The following KATNAL2 variants were observed in gnomAD, a reference collection of about 807,000 sequenced individuals.
The protein encoded by KATNAL2 is katanin catalytic subunit A1 like 2.
KATNAL2 carries 52 observed loss-of-function variants against 76.3 expected under a neutral mutation model. The ratio of observed to expected loss-of-function variants is 0.68; its 90% CI spans 0.55 to 0.86. The LOEUF is 0.86. Ranked by LOEUF, KATNAL2 falls within the 40% of genes least tolerant of loss-of-function variation. The pLI is 0.00. For synonymous variants in KATNAL2, 243 were observed against 244.2 expected (o/e 1.00, Z 0.05); for missense variants, 660 against 668.9 (o/e 0.99, Z 0.15).
intron 15 of KATNAL2, among the ~76,000 whole-genome samples, chr18:47,079,902 T>C (rs2062426724): frequency 6.6e-6 from 1 of 152,208 alleles, no homozygotes; most frequent in African/African-American, 2.4e-5. Flanking sequence ...TGTGATGTCT[T>C]GTTGCTCCAT....
chr18:46,950,330 T>A (rs1180979729), intron 3 of KATNAL2, among the ~76,000 whole-genome samples: 1 of 152,144 alleles, frequency 6.6e-6, no homozygotes, highest in Non-Finnish European at 1.5e-5. Context: ...TTGTGCTGAG[T>A]AGGGGTCTGG....
chr18:47,098,306 C>T (rs972959376), intron 15 of KATNAL2: 4 of 297,562 alleles, frequency 1.3e-5, no homozygotes, highest in Non-Finnish European at 2.7e-5. Context: ...ATTAACTGGA[C>T]TTACAGTTTC....
At chr18:47,072,697 T>C (rs9951617) in intron 13 of KATNAL2, among the ~76,000 whole-genome samples, 89,078 of 151,884 alleles carry the variant, frequency 0.59, 26,290 homozygotes, top group Non-Finnish European at 0.63. Flanking sequence ...CCTTGGGCTC[T>C]CAAAATGCTG....
intron 1 of KATNAL2, among the ~76,000 whole-genome samples, chr18:46,932,553 A>G (rs1901164961): frequency 6.7e-6 from 1 of 149,424 alleles, no homozygotes; most frequent in Non-Finnish European, 1.5e-5. Context: ...GTGCGCCTGT[A>G]TGCACCGCCA....
At chr18:47,075,402 G>A (rs375948869) in intron 14 of KATNAL2, 34 bp downstream of exon 14, 36 of 1,415,720 alleles carry the variant, frequency 2.5e-5, no homozygotes, top group South Asian at 1.2e-4. Flanking sequence ...TGTTGTTGTT[G>A]TTTTTTGTCA....
At chr18:47,072,461 A>T (rs1159069818) in intron 13 of KATNAL2, among the ~76,000 whole-genome samples, 4 of 152,138 alleles carry the variant, frequency 2.6e-5, no homozygotes, top group African/African-American at 9.7e-5. Context: ...GTTTTGAGGC[A>T]GGGTCTTGCT....
chr18:47,039,008 G>C (rs569921702), intron 3 of KATNAL2, among the ~76,000 whole-genome samples: 1 of 152,210 alleles, frequency 6.6e-6, no homozygotes, highest in African/African-American at 2.4e-5. Context: ...AACAGGCTCT[G>C]TCTGGGGGCT....
chr18:47,081,616 TG>T (rs1245697737), intron 15 of KATNAL2, among the ~76,000 whole-genome samples: 2 of 152,218 alleles, frequency 1.3e-5, no homozygotes, highest in Non-Finnish European at 2.9e-5. Flanking sequence ...CTCATGCTGC[TG>T]TGGCAGAAAT....
At position 46,917,629 on chromosome 18, in the gene KATNAL2, C is replaced by A. The variant is rs4890706; in HGVS notation, c.-807C>A. 0.45 allele frequency: 401,517 copies of A among 893,754 alleles called. 91,768 individuals are homozygous for A. The highest frequency in any genetic ancestry group is 0.5 in the Middle Eastern group (925 of 1,840). The allele number at this position is 893,754 out of a possible 1,614,324, so 55.4% of individuals were successfully genotyped here. On this transcript the variant is annotated 5_prime_UTR_variant, in exon 1 of 18. Transcript: ENST00000683218. ...TCCGCGCGGCGACAGCGCCCGCCCG[C>A]GCCTGCCCCGGCGTGCTGCCCCGCG...
At chr18:47,066,889 A>ATG (rs1366441116) in intron 10 of KATNAL2, 132 bp from the exon 11 acceptor site, 24 of 66,078 alleles carry the variant, frequency 3.6e-4, no homozygotes, top group Non-Finnish European at 6.5e-4. Context: ...ATATATATAT[A>ATG]TATAATATGA....
chr18:47,077,369 C>G lies in KATNAL2; in HGVS notation c.1119C>G (p.Ser373Arg). ...TCTGTAGGGGAGAACATGAAGGAAG[C>G]CTGCGGATGAAGACAGAGTTACTGG... is the stretch of plus-strand genomic sequence containing the variant. ...GTASGGEHEG[S>R]LRMKTELLVQ... Residue 373 changes from serine to arginine, a missense_variant, in exon 15 of 18, where the codon AGC becomes AGG. Transcript: ENST00000683218. The G allele has an allele frequency of 6.2e-7, 1 of 1,613,548 alleles. No homozygotes were observed. Among genetic ancestry groups the G allele is most frequent in the Non-Finnish European group, 8.5e-7 (1 of 1,179,570 alleles).
chr18:47,094,175 C>A (rs1217078852), intron 15 of KATNAL2, among the ~76,000 whole-genome samples: 4 of 152,122 alleles, frequency 2.6e-5, no homozygotes, highest in African/African-American at 9.7e-5. Flanking sequence ...ACATTGTTTC[C>A]CCCTCTTGAG....
rs573504834 is a variant in KATNAL2 at position 46,958,709 on chromosome 18, G to A, written c.51+11786G>A. 1.3e-4 allele frequency among the ~76,000 whole-genome samples: 20 copies of A among 152,264 alleles called. No homozygotes were observed. The South Asian group carries it at 2.1e-3, about 16-fold the overall frequency. On this transcript the variant is annotated intron_variant, in intron 3 of 17. Coordinates refer to ENST00000683218, the MANE Select transcript of KATNAL2 (RefSeq NM_001387690.1). Reference sequence around the variant, plus strand: ...TCTGCCACTTTCTTTTTCTTAACCTGAATGTAAGAATCCTCTATAATGCTC... The same window carrying A: ...TCTGCCACTTTCTTTTTCTTAACCTAAATGTAAGAATCCTCTATAATGCTC...
intron 3 of KATNAL2, chr18:47,033,726 C>T (rs1364190475): frequency 1.2e-6 from 2 of 1,614,054 alleles, no homozygotes; most frequent in African/African-American, 1.3e-5. Flanking sequence ...CCGAGTACAC[C>T]GGCATCTTAG....
At chr18:46,948,508 T>C (rs1457562437) in intron 3 of KATNAL2, among the ~76,000 whole-genome samples, 1 of 148,758 alleles carries the variant, frequency 6.7e-6, no homozygotes, top group African/African-American at 2.5e-5. Flanking sequence ...CACCGCAACC[T>C]CTGCCTCCTG....
intron 8 of KATNAL2, 73 bp downstream of exon 8, chr18:47,059,727 A>T (rs2061576456): frequency 9.1e-7 from 1 of 1,099,644 alleles, no homozygotes; most frequent in Non-Finnish European, 1.4e-6. Flanking sequence ...AACAAAAAAC[A>T]TTATTTTTGT....
intron 3 of KATNAL2, chr18:47,035,495 G>T: frequency 1.1e-6 from 1 of 869,938 alleles, no homozygotes; most frequent in Non-Finnish European, 1.8e-6. Context: ...TCCTCGGGAT[G>T]TGGAGCCACA....
At chr18:47,094,131 CTT>C (rs755867214) in intron 15 of KATNAL2, among the ~76,000 whole-genome samples, 27 of 152,144 alleles carry the variant, frequency 1.8e-4, no homozygotes, top group South Asian at 4.2e-4. Context: ...TTTGGTCTCT[CTT>C]GTTTGCCTTC....
chr18:47,097,017 G>C (rs920452913), intron 15 of KATNAL2, among the ~76,000 whole-genome samples: 2 of 151,204 alleles, frequency 1.3e-5, no homozygotes, highest in Non-Finnish European at 2.9e-5. Flanking sequence ...CTACTGGGGG[G>C]CTGAGGCAGA....
Sources: allele counts gnomAD v4.1 joint callset (sites outside exome capture counted in the v4.1 genomes callset), GRCh38; gene constraint gnomAD v4.1.1; transcripts MANE v1.5; gene names NCBI Gene and HGNC (gene_info 2026-07-23, HGNC 2026-07-21).